QPRT: variants seen among roughly 807,000 people sequenced by gnomAD.
QPRT encodes nicotinate-nucleotide pyrophosphorylase [carboxylating].
In QPRT, 17 loss-of-function variants were observed where a neutral mutation model predicts 19.8. That is an observed-to-expected ratio of 0.86 (90% CI 0.59 to 1.29). The LOEUF (loss-of-function observed/expected upper bound fraction) is 1.29. QPRT is among the 50% of genes most tolerant of loss of function. QPRT has a pLI of 0.00. For synonymous variants in QPRT, 178 were observed against 191.0 expected (o/e 0.93, Z 0.56); for missense variants, 336 against 405.1 (o/e 0.83, Z 1.46).
Position 29,696,999 on chromosome 16 carries a change from G to C in QPRT, c.553G>C (p.Val185Leu), listed in dbSNP as rs1967557020. The C allele has an allele frequency of 6.2e-7, 1 of 1,602,404 alleles. No homozygotes were observed. The highest frequency in any genetic ancestry group is 8.5e-7 in the Non-Finnish European group (1 of 1,175,908). The change falls in exon 3 of 4, where the codon GTG (valine) becomes CTG (leucine). Residue 185 changes from valine to leucine, a missense_variant. Val to Leu is a conservative substitution (Grantham distance 32, BLOSUM62 1). Coordinates refer to ENST00000395384, the MANE Select transcript of QPRT (RefSeq NM_014298.6). ...TGTCCTCCCGGCTGCCCAGCAGGCG[G>C]TGCGGGCGGCCAGACAGGCGGCTGA... is the stretch of plus-strand genomic sequence containing the variant. The part of the protein sequence containing the change: ...VVAAGGVEKA[V>L]RAARQAADFT...
intron 1 of QPRT, among the ~76,000 whole-genome samples, chr16:29,680,798 G>A (rs1430367580): frequency 1.3e-5 from 2 of 152,046 alleles, no homozygotes; most frequent in Non-Finnish European, 2.9e-5. Context: ...AAAATTAGCC[G>A]AGTGTGGTGG....
Position 29,689,916 on chromosome 16 carries a change from T to G in QPRT, c.14-4748T>G, listed in dbSNP as rs1282581793. 3.3e-5 allele frequency among the ~76,000 whole-genome samples: 5 copies of G among 152,078 alleles called. No individual in the cohort carries two copies. The East Asian group carries it at 7.7e-4, about 23-fold the overall frequency. Reference sequence around the variant, plus strand: ...AGTTGAGCACCTGAAGAGCTCGGATTTTAAGACGCTAGCCTGCCAATGCTC... The same window carrying G: ...AGTTGAGCACCTGAAGAGCTCGGATGTTAAGACGCTAGCCTGCCAATGCTC... On this transcript the variant is annotated intron_variant, in intron 1 of 3. Transcript: ENST00000395384.
rs1163535976 is a variant in QPRT at position 29,694,911 on chromosome 16, G to C, written c.261G>C (p.Val87=). 1.2e-6 allele frequency: 2 copies of C among 1,613,868 alleles called. No homozygotes were observed. The highest frequency in any genetic ancestry group is 1.7e-6 in the Non-Finnish European group (2 of 1,179,898). ...CGAAGCTGGTGCCGGTGGCCAGAGT[G>C]GCCGAGGTCCGGGGCCCTGCCCACT... ...EGSKLVPVAR[V]AEVRGPAHCL... Residue 87 remains valine, a synonymous_variant, in exon 2 of 4, where the codon GTG becomes GTC. Transcript: ENST00000395384.
In QPRT at chr16:29,694,677, G is replaced by A. The variant is rs1967460457; in HGVS notation, c.27G>A (p.Leu9=). The A allele has an allele frequency of 1.3e-6, 2 of 1,544,786 alleles. No individual in the cohort carries two copies. The change falls in exon 2 of 4, where the codon CTG becomes CTA. Residue 9 remains leucine (L), a synonymous_variant. Coordinates refer to ENST00000395384, the MANE Select transcript of QPRT (RefSeq NM_014298.6). MDAEGLAL[L]LPPVTLAALV... is the part of the protein sequence containing the mutation. ...TCTTCCCCCCAGGCCTGGCGCTGCT[G>A]CTGCCGCCCGTCACCCTGGCAGCCC... is the stretch of plus-strand genomic sequence containing the variant.
chr16:29,691,547 A>T (rs981550604), intron 1 of QPRT, among the ~76,000 whole-genome samples: 1 of 151,778 alleles, frequency 6.6e-6, no homozygotes, highest in African/African-American at 2.4e-5. Context: ...TTAGCCGGGC[A>T]TGGTTGGTGT....
intron 1 of QPRT, among the ~76,000 whole-genome samples, chr16:29,688,078 CAT>C (rs1286749855): frequency 6.6e-6 from 1 of 152,140 alleles, no homozygotes; most frequent in African/African-American, 2.4e-5. Context: ...ATAGCAAAAA[CAT>C]ATTGCATTCC....
Position 29,695,101 on chromosome 16 carries a change from G to T in QPRT, c.451G>T (p.Gly151Trp). 6.2e-7 allele frequency: 1 copy of T among 1,603,304 alleles called. No individual in the cohort carries two copies. ...AGGCTTCCGGCTGGTGGAGAAGTAT[G>T]GGCTCCTGGTGGGCGGGGCCGCCTC... is the stretch of plus-strand genomic sequence containing the variant. Reference protein sequence around the residue: ...TPGFRLVEKYGLLVGGAASHR... With the variant: ...TPGFRLVEKYWLLVGGAASHR... The change falls in exon 2 of 4, where the codon GGG (glycine) becomes TGG (tryptophan). Residue 151 changes from glycine (G) to tryptophan (W), a missense_variant. Gly to Trp is a radical substitution (Grantham distance 184). Transcript: ENST00000395384.
At chr16:29,696,348 T>G (rs1482965336) in intron 2 of QPRT, 1 of 152,132 alleles carries the variant, frequency 6.6e-6, no homozygotes, top group Non-Finnish European at 1.5e-5. Flanking sequence ...AAATTAGCCA[T>G]GCTTGTGGGC....
chr16:29,684,874 A>G (rs1024561544), intron 1 of QPRT, among the ~76,000 whole-genome samples: 1 of 152,220 alleles, frequency 6.6e-6, no homozygotes, highest in African/African-American at 2.4e-5. Context: ...TGAGCTCCAG[A>G]TGAGAGCACA....
At chr16:29,689,612 G>A (rs1276736558) in intron 1 of QPRT, among the ~76,000 whole-genome samples, 1 of 152,094 alleles carries the variant, frequency 6.6e-6, no homozygotes, top group Non-Finnish European at 1.5e-5. Flanking sequence ...GTAGCCTGGT[G>A]CCTAGGAACC....
rs1042608498 is a variant in QPRT at position 29,683,353 on chromosome 16, G to A, written c.13+4143G>A. 5.3e-5 allele frequency among the ~76,000 whole-genome samples: 8 copies of A among 151,390 alleles called. No individual in the cohort carries two copies. In the East Asian group the frequency reaches 1.6e-3, roughly 29 times the overall value. ...CAATATGTGGTCTTATGAGAGCATT[G>A]GTTCTTTTTTTTTTTTCCCTGAGGC... On this transcript the variant is annotated intron_variant, in intron 1 of 3. Coordinates refer to ENST00000395384, the MANE Select transcript of QPRT (RefSeq NM_014298.6).
chr16:29,694,669 G>T lies in QPRT; in HGVS notation c.19G>T (p.Ala7Ser). 6.5e-7 allele frequency: 1 copy of T among 1,542,330 alleles called. No individual in the cohort carries two copies. The change falls in exon 2 of 4, where the codon GCG becomes TCG. Residue 7 changes from alanine (A) to serine (S), a missense_variant. Ala to Ser is a moderately conservative substitution (Grantham distance 99). Transcript: ENST00000395384. MDAEGL[A>S]LLLPPVTLAA... ...CTGTTCTCTCTTCCCCCCAGGCCTG[G>T]CGCTGCTGCTGCCGCCCGTCACCCT...
intron 1 of QPRT, among the ~76,000 whole-genome samples, chr16:29,684,021 A>G (rs1426424347): frequency 6.6e-6 from 1 of 151,906 alleles, no homozygotes; most frequent in East Asian, 1.9e-4. Flanking sequence ...TCTTCCTTCT[A>G]TTTACTTCTG....
intron 1 of QPRT, among the ~76,000 whole-genome samples, chr16:29,692,026 T>C (rs1204203239): frequency 6.6e-6 from 1 of 152,188 alleles, no homozygotes; most frequent in Non-Finnish European, 1.5e-5. Context: ...TGCGTGTGCG[T>C]GCACGTGTGT....
intron 1 of QPRT, among the ~76,000 whole-genome samples, chr16:29,694,380 A>G (rs1567332162): frequency 6.6e-6 from 1 of 151,950 alleles, no homozygotes. Flanking sequence ...CGGCCTCTCA[A>G]AGTACTGGGA....
chr16:29,680,018 C>T (rs1461594447), intron 1 of QPRT, among the ~76,000 whole-genome samples: 3 of 146,160 alleles, frequency 2.1e-5, no homozygotes, highest in East Asian at 2.0e-4. Flanking sequence ...AGTGCAGTGG[C>T]GTGATCTCGG....
intron 1 of QPRT, among the ~76,000 whole-genome samples, chr16:29,683,960 A>G (rs1450182986): frequency 6.6e-6 from 1 of 151,826 alleles, no homozygotes; most frequent in Non-Finnish European, 1.5e-5. Flanking sequence ...TGGCACAAAA[A>G]CCGCTCTGGC....
chr16:29,686,287 G>A (rs565722913), intron 1 of QPRT, among the ~76,000 whole-genome samples: 1 of 151,894 alleles, frequency 6.6e-6, no homozygotes, highest in African/African-American at 2.4e-5. Flanking sequence ...CCCCCACCCC[G>A]ACACTGTCTG....
intron 1 of QPRT, among the ~76,000 whole-genome samples, chr16:29,691,719 C>T (rs1194509093): frequency 6.6e-6 from 1 of 152,086 alleles, no homozygotes; most frequent in African/African-American, 2.4e-5. Flanking sequence ...TGCTCCCAGG[C>T]CTTTTCCGTA....
Sources: allele counts gnomAD v4.1 joint callset (sites outside exome capture counted in the v4.1 genomes callset), GRCh38; gene constraint gnomAD v4.1.1; transcripts MANE v1.5; gene names NCBI Gene and HGNC (gene_info 2026-07-23, HGNC 2026-07-21).